NKAIN2: variants seen among roughly 807,000 people sequenced by gnomAD.
NKAIN2 encodes the protein sodium/potassium transporting ATPase interacting 2.
NKAIN2 carries 14 observed loss-of-function variants against 32.6 expected under a neutral mutation model. The observed-to-expected ratio is 0.43, with a 90% confidence interval of 0.28 to 0.67. NKAIN2 has a LOEUF of 0.67. NKAIN2 is among the 30% of genes least tolerant of loss of function. The pLI, the probability that NKAIN2 is intolerant of heterozygous loss-of-function variation, is 0.17. For synonymous variants in NKAIN2, 80 were observed against 87.2 expected (o/e 0.92, Z 0.46); for missense variants, 198 against 258.3 (o/e 0.77, Z 1.60).
intron 1 of NKAIN2, among the ~76,000 whole-genome samples, chr6:124,208,006 T>G (rs1220134325): frequency 6.6e-6 from 1 of 151,932 alleles, no homozygotes; most frequent in Non-Finnish European, 1.5e-5. Context: ...TTTTGAAGAA[T>G]GTACTTTAAT....
At chr6:124,261,953 C>T (rs911993960) in intron 1 of NKAIN2, among the ~76,000 whole-genome samples, 2 of 151,874 alleles carry the variant, frequency 1.3e-5, no homozygotes, top group African/African-American at 4.8e-5. Flanking sequence ...AGGGTCTCTC[C>T]TCTGCTTGCC....
intron 3 of NKAIN2, among the ~76,000 whole-genome samples, chr6:124,529,744 C>T (rs1374150630): frequency 6.6e-6 from 1 of 152,184 alleles, no homozygotes; most frequent in African/African-American, 2.4e-5. Context: ...ATGTTTTCTA[C>T]TCTTGAATTT....
Position 124,510,464 on chromosome 6 carries a change from C to T in NKAIN2, c.274-147722C>T, listed in dbSNP as rs550200958. On this transcript the variant is annotated intron_variant, in intron 3 of 6. Coordinates refer to ENST00000368417, the MANE Select transcript of NKAIN2 (RefSeq NM_001040214.3). Reference sequence around the variant, plus strand: ...AGGGGTCCAGTGTAATGCTTAAATGCGTGCTTTCTCATAAATGTTAGTAAG... The same window carrying T: ...AGGGGTCCAGTGTAATGCTTAAATGTGTGCTTTCTCATAAATGTTAGTAAG... 3.3e-5 allele frequency among the ~76,000 whole-genome samples: 5 copies of T among 152,220 alleles called. No individual in the cohort carries two copies. The South Asian group carries it at 8.3e-4, about 25-fold the overall frequency.
At chr6:123,888,105 C>T (rs918274218) in intron 1 of NKAIN2, among the ~76,000 whole-genome samples, 10 of 152,150 alleles carry the variant, frequency 6.6e-5, no homozygotes, top group African/African-American at 2.4e-4. Flanking sequence ...ATTAAATGCT[C>T]TTTAAAATAT....
chr6:124,137,744 C>CA (rs750234652), intron 1 of NKAIN2, among the ~76,000 whole-genome samples: 53 of 152,016 alleles, frequency 3.5e-4, no homozygotes, highest in Middle Eastern at 3.4e-3. Context: ...ACAAAGCATA[C>CA]AAAAACACAT....
chr6:124,732,752 C>T (rs188123462), intron 4 of NKAIN2, among the ~76,000 whole-genome samples: 1 of 151,820 alleles, frequency 6.6e-6, no homozygotes, highest in Non-Finnish European at 1.5e-5. Context: ...TTTAAGAATT[C>T]TTATATTGTG....
intron 1 of NKAIN2, among the ~76,000 whole-genome samples, chr6:124,053,288 T>C (rs1782494739): frequency 6.6e-6 from 1 of 151,908 alleles, no homozygotes; most frequent in Admixed American, 6.6e-5. Context: ...GACAATACAA[T>C]AAGCAAGTGA....
At chr6:124,084,821 T>G (rs1784120571) in intron 1 of NKAIN2, among the ~76,000 whole-genome samples, 1 of 151,880 alleles carries the variant, frequency 6.6e-6, no homozygotes, top group African/African-American at 2.4e-5. Context: ...TAGCAGGATT[T>G]ATGAAGATCT....
chr6:124,140,669 G>A (rs901243509), intron 1 of NKAIN2, among the ~76,000 whole-genome samples: 1 of 152,078 alleles, frequency 6.6e-6, no homozygotes, highest in Non-Finnish European at 1.5e-5. Context: ...CCAGTTGACT[G>A]TTCAATTCCT....
intron 3 of NKAIN2, among the ~76,000 whole-genome samples, chr6:124,520,143 G>A (rs768199734): frequency 6.6e-6 from 1 of 152,024 alleles, no homozygotes; most frequent in Non-Finnish European, 1.5e-5. Flanking sequence ...AGGCCAATAC[G>A]AAAAGGAATC....
intron 1 of NKAIN2, among the ~76,000 whole-genome samples, chr6:123,815,656 C>G (rs1773662417): frequency 6.6e-6 from 1 of 151,996 alleles, no homozygotes; most frequent in Admixed American, 6.6e-5. Context: ...AGTATAAATT[C>G]TTAATTTTTT....
intron 5 of NKAIN2, among the ~76,000 whole-genome samples, chr6:124,793,304 A>G (rs1779830519): frequency 2.0e-5 from 3 of 152,202 alleles, no homozygotes; most frequent in Non-Finnish European, 4.4e-5. Flanking sequence ...CCTAGCGCCT[A>G]TACAAGAGAA....
At chr6:124,311,739 C>T (rs1225310680) in intron 2 of NKAIN2, among the ~76,000 whole-genome samples, 1 of 152,118 alleles carries the variant, frequency 6.6e-6, no homozygotes, top group African/African-American at 2.4e-5. Flanking sequence ...ATTATAAAGT[C>T]ACAACATGTT....
At chr6:123,825,767 A>C (rs1356578695) in intron 1 of NKAIN2, among the ~76,000 whole-genome samples, 3 of 152,146 alleles carry the variant, frequency 2.0e-5, no homozygotes, top group Non-Finnish European at 4.4e-5. Context: ...GTGTGTGTTT[A>C]GAGATTTCCT....
chr6:124,758,578 G>A (rs552694872), intron 4 of NKAIN2, among the ~76,000 whole-genome samples: 19 of 152,204 alleles, frequency 1.2e-4, no homozygotes, highest in East Asian at 3.9e-4. Flanking sequence ...AAGACACTCC[G>A]GAAGCCACTG....
At chr6:124,698,353 A>G (rs1301304051) in intron 4 of NKAIN2, among the ~76,000 whole-genome samples, 1 of 152,052 alleles carries the variant, frequency 6.6e-6, no homozygotes, top group East Asian at 1.9e-4. Flanking sequence ...GTGTTAGCAT[A>G]AAAAAATGTG....
intron 1 of NKAIN2, among the ~76,000 whole-genome samples, chr6:123,826,299 T>G (rs1272160018): frequency 6.6e-6 from 1 of 152,200 alleles, no homozygotes; most frequent in Non-Finnish European, 1.5e-5. Flanking sequence ...AGTTCTATTT[T>G]TTATGTTTTA....
At chr6:123,841,160 A>T (rs972271638) in intron 1 of NKAIN2, among the ~76,000 whole-genome samples, 1 of 152,184 alleles carries the variant, frequency 6.6e-6, no homozygotes, top group Non-Finnish European at 1.5e-5. Context: ...TATGTACACA[A>T]ATAGAAGAAG....
At chr6:124,578,777 G>T (rs2114934556) in intron 3 of NKAIN2, among the ~76,000 whole-genome samples, 1 of 152,214 alleles carries the variant, frequency 6.6e-6, no homozygotes, top group East Asian at 1.9e-4. Flanking sequence ...GCTGGCTTCA[G>T]GTCTGACCCA....
Sources: gnomAD v4.1 joint callset for allele counts (sites outside exome capture counted in the v4.1 genomes callset) on GRCh38, gnomAD v4.1.1 for gene constraint, MANE v1.5 for transcripts, NCBI Gene and HGNC (gene_info 2026-07-23, HGNC 2026-07-21) for gene names.